COBLL1: variants seen among roughly 807,000 people sequenced by gnomAD.
The protein encoded by COBLL1 is cordon-bleu protein-like 1.
Under a neutral mutation model 94.8 loss-of-function variants are expected in COBLL1, and 50 were observed. The ratio of observed to expected loss-of-function variants is 0.53; its 90% CI spans 0.42 to 0.67. The LOEUF is 0.67. Among genes scored for constraint, COBLL1 ranks in the 30% least tolerant of loss-of-function variants. The pLI is 0.00. For synonymous variants in COBLL1, 448 were observed against 473.8 expected, an observed-to-expected ratio of 0.95 and a Z score of 0.71; for missense variants, 1,362 against 1,348.7, an observed-to-expected ratio of 1.01 and a Z score of -0.15.
At chr2:164,839,965 A>G (rs1183159543) in intron 2 of COBLL1, among the ~76,000 whole-genome samples, 1 of 152,230 alleles carries the variant, frequency 6.6e-6, no homozygotes, top group Non-Finnish European at 1.5e-5. Context: ...TGTTTCCTCT[A>G]TGTAAAAATT....
chr2:164,671,810 C>G (rs186851983), intron 1 of COBLL1, among the ~76,000 whole-genome samples: 1 of 151,864 alleles, frequency 6.6e-6, no homozygotes, highest in Non-Finnish European at 1.5e-5. Flanking sequence ...AGTATGGACT[C>G]ATTAACCTCC....
intron 7 of COBLL1, among the ~76,000 whole-genome samples, chr2:164,713,820 A>G (rs1306587705): frequency 6.6e-6 from 1 of 152,206 alleles, no homozygotes; most frequent in African/African-American, 2.4e-5. Flanking sequence ...TGAAATCCTC[A>G]GAGGAGTAAT....
chr2:164,768,277 A>C (rs531598346), intron 2 of COBLL1, among the ~76,000 whole-genome samples: 9 of 152,342 alleles, frequency 5.9e-5, no homozygotes, highest in African/African-American at 2.2e-4. Context: ...TGCACCAGAA[A>C]TAATACAAAT....
At chr2:164,733,334 G>A (rs1306187553) in intron 3 of COBLL1, among the ~76,000 whole-genome samples, 1 of 151,924 alleles carries the variant, frequency 6.6e-6, no homozygotes, top group African/African-American at 2.4e-5. Context: ...TATTTATCTA[G>A]AAACTTTACA....
At chr2:164,674,036 T>G (rs1408485883) in intron 1 of COBLL1, among the ~76,000 whole-genome samples, 1 of 152,128 alleles carries the variant, frequency 6.6e-6, no homozygotes, top group African/African-American at 2.4e-5. Flanking sequence ...AGCTAAAATA[T>G]AAAATTTACT....
intron 9 of COBLL1, among the ~76,000 whole-genome samples, chr2:164,702,437 G>A (rs771940401): frequency 9.3e-5 from 14 of 150,982 alleles, no homozygotes; most frequent in East Asian, 3.9e-4. Flanking sequence ...GGTGGCGGGC[G>A]CCTGTAGTCC....
At chr2:164,707,879 G>T (rs1486160842) in intron 7 of COBLL1, among the ~76,000 whole-genome samples, 1 of 152,074 alleles carries the variant, frequency 6.6e-6, no homozygotes, top group Non-Finnish European at 1.5e-5. Context: ...TACACACCAA[G>T]AAAAATTTGG....
chr2:164,699,374 AAAGTGTTGGCTAT>A lies in COBLL1; in HGVS notation c.1555+18_1555+30del, dbSNP rs766908844. On this transcript the variant is annotated intron_variant, in intron 11 of 13. Coordinates refer to ENST00000652658, the MANE Select transcript of COBLL1 (RefSeq NM_001365672.2). Reference sequence around the variant, plus strand: ...GTCCTTGGCACATAATAAAAGTAAGAAAGTGTTGGCTATTAATTTATATAACTCACCATTCTCT... The same window carrying A: ...GTCCTTGGCACATAATAAAAGTAAGATAATTTATATAACTCACCATTCTCT... The A allele has an allele frequency of 3.8e-5, 51 of 1,354,802 alleles. No homozygotes were observed. Among genetic ancestry groups the A allele is most frequent in the Non-Finnish European group, 5.1e-5 (48 of 943,922 alleles). 83.9% of individuals were successfully genotyped at this position (1,354,802 alleles called of 1,614,324 possible). A position where few individuals can be genotyped will look rare whatever the true frequency, so the allele number is the denominator to read the frequency against.
chr2:164,687,874 C>A (rs910188984), intron 13 of COBLL1: 8 of 248,608 alleles, frequency 3.2e-5, no homozygotes, highest in African/African-American at 1.6e-4. Flanking sequence ...TCTCATAATT[C>A]TTTGTGAAGG....
rs892131729 is a variant in COBLL1, at chr2:164,699,332, A to G, written c.1555+73T>C. ...CAGGAGATTAAATGAGTTAATACAT[A>G]TAAAGTGTTAAGAACTGTCCTTGGC... is the stretch of plus-strand genomic sequence containing the variant. On this transcript the variant is annotated intron_variant, in intron 11 of 13. Coordinates refer to ENST00000652658, the MANE Select transcript of COBLL1 (RefSeq NM_001365672.2). 3 of 926,752 alleles carry G rather than the reference A, an allele frequency of 3.2e-6. No homozygotes were observed. In the Admixed American group the frequency reaches 5.1e-5, roughly 16 times the overall value. The allele number at this position is 926,752 out of a possible 1,614,324, so 57.4% of individuals were successfully genotyped here.
chr2:164,753,450 C>CA (rs34843887), intron 2 of COBLL1, among the ~76,000 whole-genome samples: 39,776 of 146,190 alleles, frequency 0.27, 5,473 homozygotes, highest in Non-Finnish European at 0.33. Flanking sequence ...GGTGCACAAA[C>CA]AAAAAAAAAA....
chr2:164,805,171 C>A (rs1032942899), intron 2 of COBLL1, among the ~76,000 whole-genome samples: 1 of 149,912 alleles, frequency 6.7e-6, no homozygotes, highest in Non-Finnish European at 1.5e-5. Context: ...AAACATACTC[C>A]TTTCATCTCC....
intron 2 of COBLL1, among the ~76,000 whole-genome samples, chr2:164,766,470 C>T (rs1048254848): frequency 6.6e-6 from 1 of 152,058 alleles, no homozygotes; most frequent in Non-Finnish European, 1.5e-5. Flanking sequence ...GCACCTCTTC[C>T]CTTTTGCTCT....
chr2:164,725,105 T>G (rs1238612877), intron 5 of COBLL1: 2 of 86,950 alleles, frequency 2.3e-5, no homozygotes, highest in Non-Finnish European at 4.3e-5. Context: ...CTGCAGGATA[T>G]ATATATATAT....
intron 1 of COBLL1, among the ~76,000 whole-genome samples, chr2:164,674,690 C>T (rs927656819): frequency 9.9e-5 from 15 of 152,106 alleles, no homozygotes; most frequent in African/African-American, 3.4e-4. Flanking sequence ...ATGGAGTCTA[C>T]CCTCATGGGA....
chr2:164,676,074 A>G (rs986424884), downstream of COBLL1, among the ~76,000 whole-genome samples: 3 of 152,222 alleles, frequency 2.0e-5, no homozygotes, highest in Non-Finnish European at 2.9e-5. Flanking sequence ...GAATTCCCTA[A>G]TAAGTTTTGC....
intron 7 of COBLL1, 198 bp downstream of exon 7, chr2:164,721,877 T>G (rs1434547705): frequency 2.6e-6 from 1 of 388,848 alleles, no homozygotes; most frequent in Admixed American, 4.2e-5. Flanking sequence ...CAGACCTGTA[T>G]GTACATAGAA....
intron 2 of COBLL1, among the ~76,000 whole-genome samples, chr2:164,789,261 T>C (rs967419185): frequency 2.2e-4 from 33 of 151,894 alleles, no homozygotes; most frequent in African/African-American, 6.3e-4. Context: ...ATAGAGATCA[T>C]GATGATAGAA....
intron 2 of COBLL1, among the ~76,000 whole-genome samples, chr2:164,764,026 G>C (rs1335009656): frequency 6.6e-6 from 1 of 152,126 alleles, no homozygotes; most frequent in Non-Finnish European, 1.5e-5. Flanking sequence ...CTCCAGAGTA[G>C]CTGAGACTAC....
Sources: gnomAD v4.1 joint callset for allele counts (sites outside exome capture counted in the v4.1 genomes callset) on GRCh38, gnomAD v4.1.1 for gene constraint, MANE v1.5 for transcripts, NCBI Gene and HGNC (gene_info 2026-07-23, HGNC 2026-07-21) for gene names.